PARD3B: variants seen among roughly 807,000 people sequenced by gnomAD.
PARD3B encodes partitioning defective 3 homolog B.
PARD3B carries 103 observed loss-of-function variants against 130.2 expected under a neutral mutation model. The observed-to-expected ratio is 0.79, with a 90% CI of 0.67 to 0.93. The LOEUF is 0.93. Among genes scored for constraint, PARD3B ranks in the 40% least tolerant of loss-of-function variants. The pLI, the probability that PARD3B is intolerant of heterozygous loss-of-function variation, is 0.00. For missense variants in PARD3B, 1,609 were observed against 1,499.2 expected (o/e 1.07, Z -1.21); for synonymous variants, 583 against 553.2 (o/e 1.05, Z -0.76).
At chr2:204,969,304 T>A (rs934225889) in intron 3 of PARD3B, among the ~76,000 whole-genome samples, 1 of 152,242 alleles carries the variant, frequency 6.6e-6, no homozygotes, top group Admixed American at 6.5e-5. Context: ...TATTGAGCGC[T>A]TAAGTTCTAG....
chr2:205,045,872 A>T (rs181941535), intron 3 of PARD3B, among the ~76,000 whole-genome samples: 2 of 152,190 alleles, frequency 1.3e-5, no homozygotes, highest in Admixed American at 6.5e-5. Context: ...GATCGCTAAA[A>T]TGTTCACTTC....
intron 2 of PARD3B, among the ~76,000 whole-genome samples, chr2:204,934,752 AG>A (rs2125785474): frequency 6.6e-6 from 1 of 152,296 alleles, no homozygotes. Context: ...TTCTGAAAAA[AG>A]GCAGGGTTTA....
At chr2:204,836,081 A>G (rs1157850169) in intron 2 of PARD3B, among the ~76,000 whole-genome samples, 2 of 152,226 alleles carry the variant, frequency 1.3e-5, no homozygotes, top group Non-Finnish European at 2.9e-5. Context: ...TTAGCTTTCA[A>G]CATGAATGAA....
chr2:205,594,558 G>A (rs2054502726), intron 22 of PARD3B, among the ~76,000 whole-genome samples: 1 of 152,152 alleles, frequency 6.6e-6, no homozygotes, highest in Non-Finnish European at 1.5e-5. Context: ...AAGCAGGTGG[G>A]AGCAGAGCCT....
At chr2:205,376,354 C>T (rs2105920797) in intron 18 of PARD3B, among the ~76,000 whole-genome samples, 1 of 143,674 alleles carries the variant, frequency 7.0e-6, no homozygotes, top group South Asian at 2.2e-4. Context: ...TGTCGACATC[C>T]CTTCTAAGAT....
chr2:205,251,868 T>C (rs2039864727), intron 16 of PARD3B, among the ~76,000 whole-genome samples: 1 of 152,188 alleles, frequency 6.6e-6, no homozygotes, highest in Non-Finnish European at 1.5e-5. Flanking sequence ...GGATGCTTTC[T>C]AAGCTTTTGT....
At position 205,494,838 on chromosome 2, in the gene PARD3B, C is replaced by T. The variant is rs142161990; in HGVS notation, c.3045-5058C>T. On this transcript the variant is annotated intron_variant, in intron 20 of 22. Coordinates refer to ENST00000406610, the MANE Select transcript of PARD3B (RefSeq NM_001302769.2). The stretch of plus-strand genomic sequence containing the variant: ...ACCATTCACCAGTTGTGTTCCTTAA[C>T]GTCTCTGAGCCTCAGTGTGCTCGTG... Among the ~76,000 whole-genome samples, 156 of 152,248 alleles carry T rather than the reference C, an allele frequency of 1.0e-3. 1 individual carries two copies. Among genetic ancestry groups the T allele is most frequent in the African/African-American group, 3.6e-3 (149 of 41,546 alleles).
At chr2:205,074,265 CTT>C (rs1362337642) in intron 4 of PARD3B, among the ~76,000 whole-genome samples, 2 of 152,048 alleles carry the variant, frequency 1.3e-5, no homozygotes, top group African/African-American at 4.8e-5. Flanking sequence ...TTACAAAAAA[CTT>C]TTGAAAAGAC....
At chr2:204,619,917 T>C (rs1173565311) in intron 1 of PARD3B, among the ~76,000 whole-genome samples, 2 of 152,106 alleles carry the variant, frequency 1.3e-5, no homozygotes. Context: ...CTCTACTTAT[T>C]GTAGGCACTC....
rs543340942 is a variant in PARD3B, at chr2:204,950,794, G to A, written c.223-14358G>A. The stretch of plus-strand genomic sequence containing the variant: ...CTCCTCAAAGATTTGGGAGATTGCA[G>A]AAGATATCTCATAGGCGCTAAATAC... On this transcript the variant is annotated intron_variant, in intron 2 of 22. Transcript: ENST00000406610. Among the ~76,000 whole-genome samples, 6 of 152,310 alleles carry A rather than the reference G, an allele frequency of 3.9e-5. No homozygotes were observed. The South Asian group carries it at 6.2e-4, about 16-fold the overall frequency.
At chr2:204,589,717 T>A (rs1209294291) in intron 1 of PARD3B, among the ~76,000 whole-genome samples, 3 of 152,178 alleles carry the variant, frequency 2.0e-5, no homozygotes, top group African/African-American at 7.2e-5. Context: ...AGGTTTTGAA[T>A]CTAAGATAAC....
At chr2:204,814,631 G>A (rs2043080357) in intron 2 of PARD3B, among the ~76,000 whole-genome samples, 1 of 151,858 alleles carries the variant, frequency 6.6e-6, no homozygotes, top group Admixed American at 6.6e-5. Flanking sequence ...TGAAATCCTT[G>A]TTTAGTTTCT....
At chr2:204,615,474 G>A (rs2125121247) in intron 1 of PARD3B, among the ~76,000 whole-genome samples, 1 of 152,270 alleles carries the variant, frequency 6.6e-6, no homozygotes, top group Non-Finnish European at 1.5e-5. Flanking sequence ...TCATTGTACA[G>A]TATTAAAATA....
intron 2 of PARD3B, among the ~76,000 whole-genome samples, chr2:204,850,759 T>G (rs964738958): frequency 6.6e-6 from 1 of 152,214 alleles, no homozygotes; most frequent in Non-Finnish European, 1.5e-5. Flanking sequence ...CCTATGAGTT[T>G]GCATAGTTTG....
At chr2:204,616,165 G>A (rs116299074) in intron 1 of PARD3B, among the ~76,000 whole-genome samples, 1,708 of 152,220 alleles carry the variant, frequency 0.011, 25 homozygotes, top group Middle Eastern at 0.031. Flanking sequence ...TGAAACACAC[G>A]GTGGAGAGAA....
intron 21 of PARD3B, among the ~76,000 whole-genome samples, chr2:205,522,982 A>ATACTATT (rs1196884213): frequency 6.6e-6 from 1 of 151,618 alleles, no homozygotes; most frequent in Non-Finnish European, 1.5e-5. Context: ...AAATTCCCAT[A>ATACTATT]TACTGTTTGG....
At chr2:204,925,843 C>T (rs1510776) in intron 2 of PARD3B, among the ~76,000 whole-genome samples, 14,497 of 152,012 alleles carry the variant, frequency 0.095, 1,004 homozygotes, top group Admixed American at 0.19. Flanking sequence ...GGGGCATTTT[C>T]CCCTGTGCTG....
At chr2:205,576,352 A>G (rs898353486) in intron 22 of PARD3B, among the ~76,000 whole-genome samples, 2 of 147,246 alleles carry the variant, frequency 1.4e-5, no homozygotes, top group African/African-American at 5.0e-5. Flanking sequence ...ACTTTGATGT[A>G]TCTAAAAAGT....
chr2:205,574,217 G>A (rs1399399220), intron 22 of PARD3B, among the ~76,000 whole-genome samples: 1 of 152,160 alleles, frequency 6.6e-6, no homozygotes, highest in Non-Finnish European at 1.5e-5. Flanking sequence ...CTTCAGGAAT[G>A]TGAAAAGCAT....
Sources: allele counts gnomAD v4.1 joint callset (sites outside exome capture counted in the v4.1 genomes callset), GRCh38; gene constraint gnomAD v4.1.1; transcripts MANE v1.5; gene names NCBI Gene and HGNC (gene_info 2026-07-23, HGNC 2026-07-21).